MDGA2: variants seen among roughly 807,000 people sequenced by gnomAD.
The protein encoded by MDGA2 is MAM domain containing glycosylphosphatidylinositol anchor 2.
In MDGA2, 40 loss-of-function variants were observed where a neutral mutation model predicts 117.8. That is an observed-to-expected ratio of 0.34 (90% CI 0.26 to 0.44). The LOEUF is 0.44. MDGA2 is among the 20% of genes least tolerant of loss of function. The pLI, the probability that MDGA2 is intolerant of heterozygous loss-of-function variation, is 1.00. For synonymous variants in MDGA2, 452 were observed against 439.0 expected, an observed-to-expected ratio of 1.03 and a Z score of -0.37; for missense variants, 1,123 against 1,250.6, an observed-to-expected ratio of 0.90 and a Z score of 1.54.
intron 1 of MDGA2, among the ~76,000 whole-genome samples, chr14:47,505,466 A>G (rs1282149800): frequency 1.3e-5 from 2 of 152,306 alleles, no homozygotes; most frequent in Admixed American, 1.3e-4. Context: ...TTATACTCAT[A>G]AATAAGTACA....
chr14:47,251,931 G>GTATCATTAT (rs1555367010), intron 2 of MDGA2, among the ~76,000 whole-genome samples: 40,506 of 150,372 alleles, frequency 0.27, 6,184 homozygotes, highest in Admixed American at 0.46. Context: ...GGTTTCTCTT[G>GTATCATTAT]TATTATTATT....
chr14:47,214,351 A>G (rs1886008575), intron 3 of MDGA2, among the ~76,000 whole-genome samples: 1 of 152,178 alleles, frequency 6.6e-6, no homozygotes, highest in Non-Finnish European at 1.5e-5. Context: ...CTACCAGCCT[A>G]TAAACATATT....
At chr14:46,974,416 C>T (rs1027630955) in intron 8 of MDGA2, among the ~76,000 whole-genome samples, 4 of 151,964 alleles carry the variant, frequency 2.6e-5, no homozygotes, top group Non-Finnish European at 5.9e-5. Flanking sequence ...CCTGAATAGC[C>T]ACAACAAATC....
chr14:46,923,294 A>G (rs1157843848), intron 9 of MDGA2, among the ~76,000 whole-genome samples: 1 of 152,142 alleles, frequency 6.6e-6, no homozygotes, highest in Non-Finnish European at 1.5e-5. Flanking sequence ...GGTAAATCAC[A>G]GGTAATATTT....
intron 1 of MDGA2, among the ~76,000 whole-genome samples, chr14:47,440,769 C>T (rs1406389787): frequency 6.6e-6 from 1 of 152,040 alleles, no homozygotes; most frequent in African/African-American, 2.4e-5. Context: ...TAGGGGTGCC[C>T]TTTGTCCCCA....
chr14:47,161,771 C>A (rs900788950), intron 3 of MDGA2, among the ~76,000 whole-genome samples: 17 of 151,680 alleles, frequency 1.1e-4, no homozygotes, highest in African/African-American at 3.9e-4. Flanking sequence ...TCTTTTCTCT[C>A]CTGCCAACCT....
chr14:47,450,137 G>A (rs1893210340), intron 1 of MDGA2, among the ~76,000 whole-genome samples: 1 of 151,718 alleles, frequency 6.6e-6, no homozygotes, highest in Non-Finnish European at 1.5e-5. Flanking sequence ...TTCATTTGAA[G>A]GTTTTTTTTA....
intron 2 of MDGA2, among the ~76,000 whole-genome samples, chr14:47,249,353 G>T (rs745846184): frequency 4.6e-5 from 7 of 151,614 alleles, no homozygotes; most frequent in Non-Finnish European, 1.0e-4. Context: ...ACAAAATCTT[G>T]CTCTGTCACC....
chr14:47,149,144 G>A (rs1178394798), intron 3 of MDGA2, among the ~76,000 whole-genome samples: 2 of 152,034 alleles, frequency 1.3e-5, no homozygotes, highest in Non-Finnish European at 1.5e-5. Context: ...ACAAAAATTA[G>A]CCAGGCATGG....
At chr14:47,541,621 G>A (rs1431515770) in intron 1 of MDGA2, among the ~76,000 whole-genome samples, 1 of 152,108 alleles carries the variant, frequency 6.6e-6, no homozygotes, top group African/African-American at 2.4e-5. Flanking sequence ...ATTTTCAGAA[G>A]GAACATCTGC....
At chr14:47,105,108 C>T (rs994624095) in intron 5 of MDGA2, among the ~76,000 whole-genome samples, 5 of 21,446 alleles carry the variant, frequency 2.3e-4, no homozygotes, top group South Asian at 1.0e-3. Flanking sequence ...CACGCAGGGA[C>T]GCCGCCTTGG....
At chr14:47,264,135 G>A (rs1226363864) in intron 2 of MDGA2, among the ~76,000 whole-genome samples, 1 of 152,114 alleles carries the variant, frequency 6.6e-6, no homozygotes, top group African/African-American at 2.4e-5. Context: ...AAGCAGGGAG[G>A]CATTAGTTTT....
chr14:47,084,009 T>A (rs1230776946), intron 6 of MDGA2, among the ~76,000 whole-genome samples: 1 of 152,084 alleles, frequency 6.6e-6, no homozygotes, highest in Non-Finnish European at 1.5e-5. Context: ...CCCCTTTAAA[T>A]AGATGGAAAA....
chr14:47,559,925 TG>T (rs1233335333), intron 1 of MDGA2, among the ~76,000 whole-genome samples: 1 of 152,134 alleles, frequency 6.6e-6, no homozygotes, highest in Non-Finnish European at 1.5e-5. Context: ...TATGCAGTAA[TG>T]GGATTGCTGG....
At position 47,472,024 on chromosome 14, in the gene MDGA2, A is replaced by G. The variant is rs534745442; in HGVS notation, c.281-170474T>C. Among the ~76,000 whole-genome samples the G allele has an allele frequency of 2.0e-5, 3 of 152,292 alleles. No individual in the cohort carries two copies. In the East Asian group the frequency reaches 5.8e-4, roughly 29 times the overall value. On this transcript the variant is annotated intron_variant, in intron 1 of 16. Transcript: ENST00000399232. Reference sequence around the variant, plus strand: ...AACAGGAAATAAATAGAAAACAATAATGTGAACTATGTGATTCTTTTTCTT... The same window carrying G: ...AACAGGAAATAAATAGAAAACAATAGTGTGAACTATGTGATTCTTTTTCTT...
In MDGA2 at chr14:46,982,734, A is replaced by AAAAAAAAAAAAAAAAAAT. The variant is rs1449356596; in HGVS notation, c.1820-25092_1820-25091insATTTTTTTTTTTTTTTTT. The stretch of plus-strand genomic sequence containing the variant: ...AAAAAAAAAAAAAAAAAAAAAAAAA[A>AAAAAAAAAAAAAAAAAAT]AATCATGTCATCTGCAACCAGGGAC... On this transcript the variant is annotated intron_variant, in intron 8 of 16. Transcript: ENST00000399232. Among the ~76,000 whole-genome samples, 239 of 130,366 alleles carry AAAAAAAAAAAAAAAAAAT rather than the reference A, an allele frequency of 1.8e-3. 10 individuals are homozygous for AAAAAAAAAAAAAAAAAAT. Among genetic ancestry groups the AAAAAAAAAAAAAAAAAAT allele is most frequent in the Non-Finnish European group, 3.3e-3 (196 of 59,208 alleles). The allele number at this position is 130,366 out of a possible 152,430, so 85.5% of individuals were successfully genotyped here.
Position 47,246,802 on chromosome 14 carries a change from AAC to A in MDGA2, c.421-28609_421-28608del, listed in dbSNP as rs34773547. On this transcript the variant is annotated intron_variant, in intron 2 of 16. Transcript: ENST00000399232. ...CCATTAATTCTGAAGCAGGTAATGA[AAC>A]ACACACACACACACACACACACACA... Among the ~76,000 whole-genome samples the A allele has an allele frequency of 8.1e-4, 115 of 141,764 alleles. 3 individuals carry two copies. The highest frequency in any genetic ancestry group is 1.2e-3 in the African/African-American group (46 of 37,802). 93.0% of individuals were successfully genotyped at this position (141,764 alleles called of 152,430 possible).
chr14:47,110,535 C>A (rs1196830809), intron 5 of MDGA2, among the ~76,000 whole-genome samples: 34 of 152,084 alleles, frequency 2.2e-4, no homozygotes, highest in Admixed American at 2.2e-3. Context: ...GATTAGTTTT[C>A]TTTTTCATAA....
At chr14:47,493,725 T>C (rs970836578) in intron 1 of MDGA2, among the ~76,000 whole-genome samples, 3 of 152,204 alleles carry the variant, frequency 2.0e-5, no homozygotes, top group Non-Finnish European at 2.9e-5. Flanking sequence ...TTCTCTCCCA[T>C]AGATAATTAA....
Sources: gnomAD v4.1 joint callset for allele counts (sites outside exome capture counted in the v4.1 genomes callset) on GRCh38, gnomAD v4.1.1 for gene constraint, MANE v1.5 for transcripts, NCBI Gene and HGNC (gene_info 2026-07-23, HGNC 2026-07-21) for gene names.